Variants in ARID1B observed in about 807,000 individuals in gnomAD.
The protein encoded by ARID1B is AT-rich interaction domain 1B.
In ARID1B, 30 loss-of-function variants were observed where a neutral mutation model predicts 212.3. That is an observed-to-expected ratio of 0.14 (90% CI 0.11 to 0.19). The LOEUF (loss-of-function observed/expected upper bound fraction) is 0.19. ARID1B is among the 10% of genes least tolerant of loss of function. ARID1B has a pLI of 1.00. For synonymous variants in ARID1B, 1,402 were observed against 1,301.7 expected (o/e 1.08, Z -1.66); for missense variants, 2,891 against 3,204.0 (o/e 0.90, Z 2.36).
At position 157,133,020 on chromosome 6, in the gene ARID1B, CCACTTAG is replaced by C. The variant is rs1788655830; in HGVS notation, c.2582-7_2582-1del. On this transcript the variant is annotated splice_acceptor_variant and splice_polypyrimidine_tract_variant and intron_variant, in intron 6 of 19. Coordinates refer to ENST00000636930, the MANE Select transcript of ARID1B (RefSeq NM_001374828.1). LOFTEE classifies it high-confidence loss of function. The stretch of plus-strand genomic sequence containing the variant: ...GCATTTATATGTTTCCATTTATTTC[CCACTTAG>C]GTTTTATGGCAGGCACACAAAGAAA... 1 of 1,591,206 alleles carries C rather than the reference CCACTTAG, an allele frequency of 6.3e-7. No homozygotes were observed. The highest frequency in any genetic ancestry group is 1.4e-5 in the African/African-American group (1 of 73,556).
intron 4 of ARID1B, among the ~76,000 whole-genome samples, chr6:157,033,277 T>C (rs1259951090): frequency 6.6e-6 from 1 of 152,226 alleles, no homozygotes; most frequent in Non-Finnish European, 1.5e-5. Flanking sequence ...AATATGACTT[T>C]ATTTGTATTC....
intron 5 of ARID1B, among the ~76,000 whole-genome samples, chr6:157,101,054 G>A (rs1442788818): frequency 6.6e-6 from 1 of 152,196 alleles, no homozygotes; most frequent in African/African-American, 2.4e-5. Context: ...CCATGAGGCT[G>A]TACTAGAATA....
intron 1 of ARID1B, among the ~76,000 whole-genome samples, chr6:156,817,288 G>C (rs2128001833): frequency 6.6e-6 from 1 of 152,064 alleles, no homozygotes; most frequent in Non-Finnish European, 1.5e-5. Context: ...AGATTGCAGT[G>C]ATCTGAGATT....
intron 19 of ARID1B, 102 bp downstream of exon 19, chr6:157,204,098 G>T: frequency 7.0e-7 from 1 of 1,423,640 alleles, no homozygotes; most frequent in Non-Finnish European, 9.8e-7. Flanking sequence ...AGCACTGACC[G>T]TCCAACACTG....
chr6:156,949,479 T>C (rs1695269088), intron 4 of ARID1B, among the ~76,000 whole-genome samples: 1 of 152,176 alleles, frequency 6.6e-6, no homozygotes, highest in Non-Finnish European at 1.5e-5. Context: ...CCTCCTCCTT[T>C]TGTGAAATGA....
intron 2 of ARID1B, among the ~76,000 whole-genome samples, chr6:156,872,918 C>T (rs1786260846): frequency 1.3e-5 from 2 of 152,116 alleles, no homozygotes; most frequent in African/African-American, 4.8e-5. Flanking sequence ...ATCGGCCCAT[C>T]CGTATTTTAT....
chr6:156,909,103 T>C (rs570445264), intron 3 of ARID1B, among the ~76,000 whole-genome samples: 5 of 150,706 alleles, frequency 3.3e-5, no homozygotes, highest in African/African-American at 1.2e-4. Flanking sequence ...GGCACTTCTT[T>C]TTTTTTCTTT....
intron 4 of ARID1B, among the ~76,000 whole-genome samples, chr6:156,989,772 G>A (rs1020976927): frequency 2.0e-5 from 3 of 152,222 alleles, no homozygotes; most frequent in Admixed American, 1.3e-4. Flanking sequence ...CTTGTCAAGA[G>A]TGCTGATGGC....
At chr6:156,977,085 T>C (rs1583064399) in intron 4 of ARID1B, 1 of 201,058 alleles carries the variant, frequency 5.0e-6, no homozygotes, top group Non-Finnish European at 9.1e-6. Context: ...ATGTAATACA[T>C]ATTTACAAAA....
chr6:156,918,499 C>T lies in ARID1B; in HGVS notation c.2137-16967C>T, dbSNP rs546266471. ...CACAGTCTATTAACTCAGTAAAAAC[C>T]AGAATATAGTTAATGTTATTCTTTG... On this transcript the variant is annotated intron_variant, in intron 3 of 19. Coordinates refer to ENST00000636930, the MANE Select transcript of ARID1B (RefSeq NM_001374828.1). Among the ~76,000 whole-genome samples, 12 of 152,118 alleles carry T rather than the reference C, an allele frequency of 7.9e-5. No homozygotes were observed. In the South Asian group the frequency reaches 2.5e-3, roughly 32 times the overall value.
At chr6:157,024,343 CA>C (rs1358645777) in intron 4 of ARID1B, 2 of 152,240 alleles carry the variant, frequency 1.3e-5, no homozygotes, top group Non-Finnish European at 2.9e-5. Flanking sequence ...TAAATTATTT[CA>C]GAAACCTCAT....
rs920305028 is a variant in ARID1B, at chr6:156,778,549, C to A, written c.869C>A (p.Ala290Asp). Residue 290 changes from alanine (A) to aspartate (D), a missense_variant, in exon 1 of 20, where the codon GCC becomes GAC. By Grantham distance (126) the Ala-to-Asp change is moderately radical (BLOSUM62 -2). Coordinates refer to ENST00000636930, the MANE Select transcript of ARID1B (RefSeq NM_001374828.1). ...GGRYEHPGLG[A>D]LGTQQPPVAV... The stretch of plus-strand genomic sequence containing the variant: ...CGCTACGAGCACCCGGGCTTGGGCG[C>A]CCTGGGCACGCAGCAGCCGCCGGTC... 4.2e-5 allele frequency: 52 copies of A among 1,231,368 alleles called. No homozygotes were observed. In the Middle Eastern group the frequency reaches 1.9e-3, roughly 45 times the overall value. The allele number at this position is 1,231,368 out of a possible 1,614,324, so 76.3% of individuals were successfully genotyped here.
chr6:156,859,317 A>G (rs1277811579), intron 2 of ARID1B, among the ~76,000 whole-genome samples: 1 of 152,086 alleles, frequency 6.6e-6, no homozygotes, highest in East Asian at 1.9e-4. Flanking sequence ...AGACCGAAAC[A>G]CTGTTATGTG....
chr6:157,005,785 T>A (rs1395281535), intron 4 of ARID1B, among the ~76,000 whole-genome samples: 1 of 152,144 alleles, frequency 6.6e-6, no homozygotes, highest in African/African-American at 2.4e-5. Flanking sequence ...TAAAAATGCT[T>A]TTTAGAAGTT....
chr6:157,063,650 G>A lies in ARID1B; in HGVS notation c.2248-21012G>A, dbSNP rs868561971. Among the ~76,000 whole-genome samples, 7 of 152,314 alleles carry A rather than the reference G, an allele frequency of 4.6e-5. No individual in the cohort carries two copies. The South Asian group carries it at 1.0e-3, about 23-fold the overall frequency. On this transcript the variant is annotated intron_variant, in intron 4 of 19. Transcript: ENST00000636930. Reference sequence around the variant, plus strand: ...TGTGTGTAAAATATAAAACTCATACGAAATGTACTTCTAATGAGTCAGACT... The same window carrying A: ...TGTGTGTAAAATATAAAACTCATACAAAATGTACTTCTAATGAGTCAGACT...
intron 2 of ARID1B, among the ~76,000 whole-genome samples, chr6:156,873,125 G>A: frequency 6.6e-6 from 1 of 152,194 alleles, no homozygotes; most frequent in East Asian, 1.9e-4. Context: ...GGCTTCTCAT[G>A]TCTGCTCCTG....
chr6:156,865,659 A>G (rs1785633917), intron 2 of ARID1B, among the ~76,000 whole-genome samples: 5 of 151,924 alleles, frequency 3.3e-5, no homozygotes, highest in Admixed American at 3.3e-4. Context: ...ATCATCTCAT[A>G]CTAGACTTTT....
chr6:156,901,781 C>T (rs936078101), intron 3 of ARID1B: 49 of 535,742 alleles, frequency 9.1e-5, no homozygotes, highest in Non-Finnish European at 1.5e-4. Flanking sequence ...AAGTGTCAGT[C>T]ATTGCTTGTT....
intron 2 of ARID1B, among the ~76,000 whole-genome samples, chr6:156,890,278 G>A (rs1239468849): frequency 1.3e-5 from 2 of 152,118 alleles, no homozygotes; most frequent in East Asian, 1.9e-4. Context: ...AATTTTGTAG[G>A]CAATTAATAA....
Sources: allele counts gnomAD v4.1 joint callset (sites outside exome capture counted in the v4.1 genomes callset), GRCh38; gene constraint gnomAD v4.1.1; transcripts MANE v1.5; gene names NCBI Gene and HGNC (gene_info 2026-07-23, HGNC 2026-07-21).